The following PAPPA2 variants were observed in gnomAD, a reference collection of about 807,000 sequenced individuals.
PAPPA2 encodes pappalysin 2.
Under a neutral mutation model 176.4 loss-of-function variants are expected in PAPPA2, and 86 were observed. The ratio of observed to expected loss-of-function variants is 0.49; its 90% CI spans 0.41 to 0.58. The LOEUF is 0.58. Ranked by LOEUF, PAPPA2 falls within the 20% of genes least tolerant of loss-of-function variation. PAPPA2 has a pLI of 0.00. For missense variants in PAPPA2, 2,073 were observed against 2,256.9 expected (o/e 0.92, Z 1.65); for synonymous variants, 809 against 852.2 (o/e 0.95, Z 0.88).
chr1:176,696,002 G>A (rs1287238064), intron 7 of PAPPA2, 143 bp downstream of exon 7: 6 of 920,396 alleles, frequency 6.5e-6, no homozygotes, highest in Non-Finnish European at 9.5e-6. Context: ...GTGTGTGTGT[G>A]TGTGTTTTGC....
chr1:176,600,335 T>A (rs1313555996), intron 3 of PAPPA2, among the ~76,000 whole-genome samples: 2 of 152,178 alleles, frequency 1.3e-5, no homozygotes, highest in Admixed American at 1.3e-4. Context: ...GTGGAGTTAG[T>A]CTCTGAACTA....
chr1:176,756,589 T>C (rs1281503991), intron 14 of PAPPA2, among the ~76,000 whole-genome samples: 1 of 152,242 alleles, frequency 6.6e-6, no homozygotes, highest in Non-Finnish European at 1.5e-5. Flanking sequence ...TTATAATCTA[T>C]GTTAAAATCA....
intron 21 of PAPPA2, among the ~76,000 whole-genome samples, chr1:176,833,059 G>A (rs1323537443): frequency 6.6e-6 from 1 of 152,140 alleles, no homozygotes; most frequent in South Asian, 2.1e-4. Context: ...ACAAGTAGAC[G>A]CGCAGTCGGC....
At chr1:176,758,991 C>T (rs1319354515) in intron 14 of PAPPA2, among the ~76,000 whole-genome samples, 1 of 152,212 alleles carries the variant, frequency 6.6e-6, no homozygotes, top group Non-Finnish European at 1.5e-5. Context: ...TGCCCAAGGT[C>T]CTAGAGGCCA....
At chr1:176,557,862 A>G (rs1250837019) in intron 2 of PAPPA2, among the ~76,000 whole-genome samples, 1 of 152,206 alleles carries the variant, frequency 6.6e-6, no homozygotes, top group East Asian at 1.9e-4. Flanking sequence ...AAAAGTGAGC[A>G]CTTACAAGCC....
intron 19 of PAPPA2, among the ~76,000 whole-genome samples, chr1:176,793,167 T>C (rs934088340): frequency 2.0e-5 from 3 of 152,204 alleles, no homozygotes; most frequent in Non-Finnish European, 2.9e-5. Context: ...ATATTAGATA[T>C]ATTTAAAAGT....
chr1:176,840,327 G>A (rs1667439332), intron 22 of PAPPA2, 56 bp downstream of exon 22: 5 of 1,367,924 alleles, frequency 3.7e-6, no homozygotes, highest in Non-Finnish European at 5.2e-6. Flanking sequence ...TAAAGGCAGG[G>A]TCTTCAGCTA....
intron 3 of PAPPA2, among the ~76,000 whole-genome samples, chr1:176,623,807 C>CTTTCTTTCTTTCTTTCT (rs746043564): frequency 4.2e-4 from 21 of 49,422 alleles, no homozygotes; most frequent in East Asian, 2.0e-3. Flanking sequence ...TTCTTTCTTT[C>CTTTCTTTCTTTCTTTCT]TTCTTTCTTT....
intron 3 of PAPPA2, among the ~76,000 whole-genome samples, chr1:176,608,183 A>T (rs150799062): frequency 6.6e-6 from 1 of 152,374 alleles, no homozygotes; most frequent in Non-Finnish European, 1.5e-5. Context: ...GAAAAAATTT[A>T]ATTAAAAACA....
chr1:176,673,251 A>G (rs928220788), intron 4 of PAPPA2, among the ~76,000 whole-genome samples: 5 of 152,166 alleles, frequency 3.3e-5, no homozygotes, highest in African/African-American at 1.2e-4. Context: ...TGCTTTCCAG[A>G]TGAAAGCTAG....
intron 3 of PAPPA2, among the ~76,000 whole-genome samples, chr1:176,623,621 TCC>T (rs1323837410): frequency 0.011 from 1,399 of 132,320 alleles, 4 homozygotes; most frequent in Middle Eastern, 0.02. Flanking sequence ...CTTCCTTCCT[TCC>T]TTTTTTACTT....
chr1:176,654,605 T>A (rs1374247384), intron 3 of PAPPA2, among the ~76,000 whole-genome samples: 1 of 151,538 alleles, frequency 6.6e-6, no homozygotes, highest in Non-Finnish European at 1.5e-5. Context: ...TTTTTTCTAA[T>A]TCTTTGAAAA....
intron 3 of PAPPA2, among the ~76,000 whole-genome samples, chr1:176,608,123 G>A (rs1380038421): frequency 1.3e-5 from 2 of 152,102 alleles, no homozygotes; most frequent in African/African-American, 4.8e-5. Flanking sequence ...ATGTATACAA[G>A]ATTACTCTGT....
intron 9 of PAPPA2, among the ~76,000 whole-genome samples, chr1:176,704,287 T>C (rs1436921264): frequency 6.6e-6 from 1 of 152,232 alleles, no homozygotes; most frequent in Non-Finnish European, 1.5e-5. Context: ...TGTTTTCTTC[T>C]CTGTGTAACT....
intron 1 of PAPPA2, among the ~76,000 whole-genome samples, chr1:176,493,741 G>A (rs1056406293): frequency 6.6e-5 from 10 of 152,168 alleles, no homozygotes; most frequent in Non-Finnish European, 1.2e-4. Flanking sequence ...AGAAGGCTCT[G>A]CTAGGTTATG....
At chr1:176,723,432 C>T (rs1661716537) in intron 12 of PAPPA2, among the ~76,000 whole-genome samples, 1 of 151,508 alleles carries the variant, frequency 6.6e-6, no homozygotes, top group South Asian at 2.1e-4. Context: ...CAAATCAATA[C>T]AACACCAAAT....
chr1:176,635,407 C>A (rs573554834), intron 3 of PAPPA2, among the ~76,000 whole-genome samples: 1 of 152,150 alleles, frequency 6.6e-6, no homozygotes, highest in Non-Finnish European at 1.5e-5. Flanking sequence ...AAAACATTGC[C>A]CTATATCTAC....
rs77357422 is a variant in PAPPA2 at position 176,681,879 on chromosome 1, C to T, written c.2138-8258C>T. Among the ~76,000 whole-genome samples the T allele has an allele frequency of 5.1e-3, 775 of 152,086 alleles. 13 individuals are homozygous for T. Among genetic ancestry groups the T allele is most frequent in the African/African-American group, 0.017 (704 of 41,476 alleles). On this transcript the variant is annotated intron_variant, in intron 4 of 22. Transcript: ENST00000367662. ...ATGGTGGGTGGTCTGGGGAGGTGAG[C>T]GGTCTGTGAATGTTCTGGAGCCCAG...
At chr1:176,476,810 C>A (rs1652149783) in intron 1 of PAPPA2, among the ~76,000 whole-genome samples, 1 of 152,132 alleles carries the variant, frequency 6.6e-6, no homozygotes. Context: ...AGGGAGGATG[C>A]CCTGAAATTT....
Sources: gnomAD v4.1 joint callset for allele counts (sites outside exome capture counted in the v4.1 genomes callset) on GRCh38, gnomAD v4.1.1 for gene constraint, MANE v1.5 for transcripts, NCBI Gene and HGNC (gene_info 2026-07-23, HGNC 2026-07-21) for gene names.